Variants in CPA6 observed in about 807,000 individuals in gnomAD.
The protein encoded by CPA6 is carboxypeptidase B.
In CPA6, 58 loss-of-function variants were observed where a neutral mutation model predicts 63.3. That is an observed-to-expected ratio of 0.92 (90% confidence interval 0.74 to 1.14). CPA6 has a LOEUF of 1.14. Ranked by LOEUF, CPA6 falls within the 50% of genes most tolerant of loss-of-function variation. The pLI is 0.00. For missense variants in CPA6, 565 were observed against 526.6 expected, an observed-to-expected ratio of 1.07 and a Z score of -0.71; for synonymous variants, 185 against 179.0, an observed-to-expected ratio of 1.03 and a Z score of -0.27.
At chr8:67,612,469 T>C (rs1039980060) in intron 2 of CPA6, among the ~76,000 whole-genome samples, 8 of 152,234 alleles carry the variant, frequency 5.3e-5, no homozygotes, top group Non-Finnish European at 1.2e-4. Flanking sequence ...TTATGCTTCA[T>C]GCTCTCTGTA....
intron 2 of CPA6, among the ~76,000 whole-genome samples, chr8:67,566,413 A>G (rs950355431): frequency 2.0e-5 from 3 of 152,220 alleles, no homozygotes; most frequent in African/African-American, 7.2e-5. Flanking sequence ...CTCAATGCCA[A>G]TGGAGTGAAT....
At chr8:67,645,931 T>C (rs1303723538) in intron 1 of CPA6, among the ~76,000 whole-genome samples, 1 of 152,210 alleles carries the variant, frequency 6.6e-6, no homozygotes, top group Non-Finnish European at 1.5e-5. Context: ...CCCAGTGTGA[T>C]GCCTACCTGA....
At chr8:67,443,571 C>T (rs1810343379) in intron 8 of CPA6, among the ~76,000 whole-genome samples, 1 of 152,040 alleles carries the variant, frequency 6.6e-6, no homozygotes, top group South Asian at 2.1e-4. Context: ...GTATATTTAT[C>T]GAGCTGTGCA....
At chr8:67,449,595 G>C (rs1810509395) in intron 8 of CPA6, among the ~76,000 whole-genome samples, 1 of 152,234 alleles carries the variant, frequency 6.6e-6, no homozygotes, top group East Asian at 1.9e-4. Flanking sequence ...CCTATCCAAG[G>C]ACAGTTTTAT....
At chr8:67,447,075 TAC>T (rs1810440546) in intron 8 of CPA6, among the ~76,000 whole-genome samples, 1 of 145,166 alleles carries the variant, frequency 6.9e-6, no homozygotes, top group African/African-American at 2.5e-5. Flanking sequence ...CACACATATA[TAC>T]ACATATATAT....
At chr8:67,566,669 C>G (rs1452123448) in intron 2 of CPA6, among the ~76,000 whole-genome samples, 3 of 152,194 alleles carry the variant, frequency 2.0e-5, no homozygotes, top group Non-Finnish European at 4.4e-5. Flanking sequence ...ACAACTATCT[C>G]ATGGTCTAGC....
chr8:67,712,302 A>G (rs1012324753), intron 1 of CPA6, among the ~76,000 whole-genome samples: 5 of 152,140 alleles, frequency 3.3e-5, no homozygotes, highest in Non-Finnish European at 7.4e-5. Context: ...CAATTTGTGG[A>G]TATATGTTTG....
intron 2 of CPA6, among the ~76,000 whole-genome samples, chr8:67,552,025 C>T (rs1038789236): frequency 2.0e-5 from 3 of 152,138 alleles, no homozygotes; most frequent in Non-Finnish European, 2.9e-5. Context: ...GACTTTTTCT[C>T]CTTTTTATCT....
chr8:67,740,859 C>T (rs549469825), intron 1 of CPA6, among the ~76,000 whole-genome samples: 2 of 152,124 alleles, frequency 1.3e-5, no homozygotes, highest in Non-Finnish European at 2.9e-5. Context: ...CGTGAGCCAC[C>T]GTGCCTGGCC....
chr8:67,544,844 G>A (rs773189347), intron 2 of CPA6, among the ~76,000 whole-genome samples: 2 of 152,030 alleles, frequency 1.3e-5, no homozygotes, highest in Non-Finnish European at 2.9e-5. Flanking sequence ...TCTTACCCAC[G>A]CAGCTGCCTT....
At chr8:67,453,125 G>T (rs1451685247) in intron 8 of CPA6, among the ~76,000 whole-genome samples, 1 of 151,812 alleles carries the variant, frequency 6.6e-6, no homozygotes, top group Non-Finnish European at 1.5e-5. Flanking sequence ...CTGTGTGGGT[G>T]GCAGGGGGGC....
chr8:67,537,316 T>C (rs957356801), intron 2 of CPA6, among the ~76,000 whole-genome samples: 1 of 152,152 alleles, frequency 6.6e-6, no homozygotes, highest in African/African-American at 2.4e-5. Context: ...GGTGAATCTG[T>C]TTGGTCCTGG....
At chr8:67,587,471 A>G (rs1160481314) in intron 2 of CPA6, among the ~76,000 whole-genome samples, 1 of 152,138 alleles carries the variant, frequency 6.6e-6, no homozygotes, top group African/African-American at 2.4e-5. Context: ...ATTATTCCAT[A>G]TCAGAGGAAT....
chr8:67,467,845 A>T (rs1438345525), intron 8 of CPA6, among the ~76,000 whole-genome samples: 1 of 151,586 alleles, frequency 6.6e-6, no homozygotes, highest in African/African-American at 2.4e-5. Flanking sequence ...TCTATTAAAA[A>T]TACAAAAATT....
chr8:67,658,529 G>C (rs1467330262), intron 1 of CPA6, among the ~76,000 whole-genome samples: 1 of 152,104 alleles, frequency 6.6e-6, no homozygotes, highest in Non-Finnish European at 1.5e-5. Flanking sequence ...TCCCTAGGGA[G>C]TTTCAATCTA....
intron 1 of CPA6, among the ~76,000 whole-genome samples, chr8:67,664,201 T>G (rs1430426482): frequency 6.6e-6 from 1 of 152,238 alleles, no homozygotes; most frequent in East Asian, 1.9e-4. Context: ...ACTGCCATTC[T>G]TAAATTCCAC....
intron 1 of CPA6, among the ~76,000 whole-genome samples, chr8:67,710,416 C>G (rs1349118280): frequency 6.8e-6 from 1 of 146,628 alleles, no homozygotes; most frequent in Non-Finnish European, 1.5e-5. Flanking sequence ...CCCCCCCAAC[C>G]CCCCACCCCG....
At chr8:67,522,381 C>T (rs1447839623) in intron 2 of CPA6, among the ~76,000 whole-genome samples, 1 of 152,150 alleles carries the variant, frequency 6.6e-6, no homozygotes, top group Non-Finnish European at 1.5e-5. Flanking sequence ...TGTCAGTGTA[C>T]CTCATTCCTC....
At chr8:67,694,647 T>C (rs146238563) in intron 1 of CPA6, among the ~76,000 whole-genome samples, 20 of 152,338 alleles carry the variant, frequency 1.3e-4, no homozygotes, top group African/African-American at 4.6e-4. Flanking sequence ...CCCGCACCTA[T>C]GGCCTCATGG....
Sources: gnomAD v4.1 joint callset for allele counts (sites outside exome capture counted in the v4.1 genomes callset) on GRCh38, gnomAD v4.1.1 for gene constraint, MANE v1.5 for transcripts, NCBI Gene and HGNC (gene_info 2026-07-23, HGNC 2026-07-21) for gene names.